Variants in SLCO1B1 observed in about 807,000 individuals in gnomAD.
SLCO1B1 encodes the protein solute carrier organic anion transporter family member 1B1.
In SLCO1B1, 81 loss-of-function variants were observed where a neutral mutation model predicts 70.1. The observed-to-expected ratio is 1.16, with a 90% CI of 0.97 to 1.39. SLCO1B1 has a LOEUF of 1.39. Ranked by LOEUF, SLCO1B1 falls within the 40% of genes most tolerant of loss-of-function variation. The probability of loss-of-function intolerance (pLI) is 0.00; values close to 1 mark genes in which losing one functional copy is unlikely to be tolerated. For synonymous variants in SLCO1B1, 283 were observed against 271.5 expected, an observed-to-expected ratio of 1.04 and a Z score of -0.42; for missense variants, 895 against 799.6, an observed-to-expected ratio of 1.12 and a Z score of -1.44.
chr12:21,224,612 C>G, intron 13 of SLCO1B1, 110 bp from the exon 14 acceptor site: 3 of 737,456 alleles, frequency 4.1e-6, no homozygotes, highest in Non-Finnish European at 7.2e-6. Flanking sequence ...ATAAACGAAT[C>G]CTCCAAATTT....
intron 8 of SLCO1B1, 44 bp downstream of exon 8, chr12:21,197,232 A>C: frequency 3.7e-6 from 6 of 1,603,792 alleles, no homozygotes; most frequent in Non-Finnish European, 5.1e-6. Flanking sequence ...TGTTAATCTC[A>C]ATGAAAAGGA....
chr12:21,205,783 C>T, intron 10 of SLCO1B1, 85 bp from the exon 11 acceptor site: 1 of 1,002,004 alleles, frequency 1.0e-6, no homozygotes, highest in South Asian at 1.6e-5. Flanking sequence ...TCTCTGCTTT[C>T]ACTTTACTTC....
At chr12:21,173,784 T>TTC in intron 3 of SLCO1B1, among the ~76,000 whole-genome samples, 1 of 149,068 alleles carries the variant, frequency 6.7e-6, no homozygotes, top group Non-Finnish European at 1.5e-5. Flanking sequence ...TTTTTTTTTT[T>TTC]TTTTTTGAGA....
chr12:21,224,800 C>CCCA lies in SLCO1B1; in HGVS notation c.1826_1827insCCA (p.Thr609_Arg610insGln). 1.2e-6 allele frequency: 2 copies of CCCA among 1,609,666 alleles called. No individual in the cohort carries two copies. Among genetic ancestry groups the CCCA allele is most frequent in the Non-Finnish European group, 1.7e-6 (2 of 1,177,006 alleles). ...AAGTGGTCCACCAACAACTGTGGCA[C>CCCA]ACGTGGGTCATGTAGGACATATAAT... On this transcript the variant is annotated inframe_insertion, in exon 14 of 15. Coordinates refer to ENST00000256958, the MANE Select transcript of SLCO1B1 (RefSeq NM_006446.5).
In SLCO1B1 at chr12:21,141,528, C is replaced by T. The variant is rs1565664021; in HGVS notation, c.-47C>T. 1.8e-6 allele frequency: 2 copies of T among 1,129,738 alleles called. No homozygotes were observed. The highest frequency in any genetic ancestry group is 1.3e-6 in the Non-Finnish European group (1 of 742,966). The allele number at this position is 1,129,738 out of a possible 1,614,324, so 70.0% of individuals were successfully genotyped here. A position where few individuals can be genotyped will look rare whatever the true frequency, so the allele number is the denominator to read the frequency against. ...TTCCTTAATAGGTGATTGTTTCAAACTGAGCATCAACAACAAAAACATTTG... is the reference window on the plus strand; with the variant it reads ...TTCCTTAATAGGTGATTGTTTCAAATTGAGCATCAACAACAAAAACATTTG... On this transcript the variant is annotated 5_prime_UTR_variant, in exon 2 of 15. Coordinates refer to ENST00000256958, the MANE Select transcript of SLCO1B1 (RefSeq NM_006446.5).
At chr12:21,133,462 G>T (rs1333311539) in intron 1 of SLCO1B1, among the ~76,000 whole-genome samples, 1 of 152,170 alleles carries the variant, frequency 6.6e-6, no homozygotes, top group East Asian at 1.9e-4. Flanking sequence ...TCCTGCCCAT[G>T]AGCATGGAAT....
At chr12:21,154,429 C>T (rs766360114) in intron 2 of SLCO1B1, among the ~76,000 whole-genome samples, 25 of 152,190 alleles carry the variant, frequency 1.6e-4, no homozygotes, top group Admixed American at 4.6e-4. Context: ...TCTCAGACTT[C>T]CCAGGCTCCA....
chr12:21,134,810 G>A, intron 1 of SLCO1B1, among the ~76,000 whole-genome samples: 1 of 152,076 alleles, frequency 6.6e-6, no homozygotes, highest in East Asian at 1.9e-4. Context: ...ATTTTTTGAA[G>A]GGTTTTTTGT....
chr12:21,208,483 TCTAGGTGTCTGTTTTTGAA>T (rs1941239662), intron 11 of SLCO1B1, among the ~76,000 whole-genome samples: 1 of 152,124 alleles, frequency 6.6e-6, no homozygotes. Context: ...GTTCCTTTAG[TCTAGGTGTCTGTTTTTGAA>T]CCAGTACTAT....
At chr12:21,135,274 T>C (rs1316943054) in intron 1 of SLCO1B1, among the ~76,000 whole-genome samples, 6 of 152,156 alleles carry the variant, frequency 3.9e-5, no homozygotes, top group Admixed American at 3.9e-4. Context: ...AATTTCAGAG[T>C]AGGTGTGGTG....
intron 7 of SLCO1B1, among the ~76,000 whole-genome samples, chr12:21,192,661 G>T (rs557909027): frequency 2.6e-5 from 4 of 151,336 alleles, no homozygotes; most frequent in African/African-American, 9.7e-5. Context: ...ATAATTTTGT[G>T]AGGTGTAAAA....
intron 1 of SLCO1B1, among the ~76,000 whole-genome samples, chr12:21,132,699 T>C (rs1041598929): frequency 1.3e-4 from 20 of 151,922 alleles, no homozygotes; most frequent in Non-Finnish European, 2.9e-4. Flanking sequence ...CTTTTGTAAA[T>C]TTGTTTGAGT....
chr12:21,185,866 C>T (rs1940957284), intron 7 of SLCO1B1, among the ~76,000 whole-genome samples: 1 of 151,892 alleles, frequency 6.6e-6, no homozygotes. Flanking sequence ...CAATTAAGCA[C>T]AATCGGAAAT....
chr12:21,178,513 T>C lies in SLCO1B1; in HGVS notation c.482-63T>C. The C allele has an allele frequency of 1.7e-6, 2 of 1,187,096 alleles. 1 individual carries two copies. Among genetic ancestry groups the C allele is most frequent in the Admixed American group, 3.7e-5 (2 of 53,972 alleles). 73.5% of individuals were successfully genotyped at this position (1,187,096 alleles called of 1,614,324 possible). A position where few individuals can be genotyped will look rare whatever the true frequency, so the allele number is the denominator to read the frequency against. On this transcript the variant is annotated intron_variant, in intron 5 of 14. Transcript: ENST00000256958. Reference sequence around the variant, plus strand: ...AGAATAATTAAGAGTTTACAAGTAGTTAAATTTGTAATAGAAATGCTAAAA... The same window carrying C: ...AGAATAATTAAGAGTTTACAAGTAGCTAAATTTGTAATAGAAATGCTAAAA...
chr12:21,223,900 C>T (rs1941456984), intron 13 of SLCO1B1, among the ~76,000 whole-genome samples: 1 of 152,130 alleles, frequency 6.6e-6, no homozygotes, highest in Non-Finnish European at 1.5e-5. Flanking sequence ...CAGATGGACA[C>T]TTATTATATA....
intron 5 of SLCO1B1, among the ~76,000 whole-genome samples, chr12:21,178,168 C>T (rs1374981687): frequency 3.3e-5 from 5 of 151,922 alleles, no homozygotes; most frequent in Admixed American, 2.0e-4. Flanking sequence ...ATTTTGGGGG[C>T]GGTTTCCCCC....
intron 14 of SLCO1B1, among the ~76,000 whole-genome samples, chr12:21,229,402 C>T (rs746476133): frequency 5.3e-5 from 8 of 152,140 alleles, no homozygotes; most frequent in Non-Finnish European, 1.2e-4. Context: ...TCATTCCTTC[C>T]TCCTCTAAAA....
At position 21,224,783 on chromosome 12, in the gene SLCO1B1, C is replaced by G. The variant is rs143812591; in HGVS notation, c.1809C>G (p.Ser603=). 1.7e-5 allele frequency: 27 copies of G among 1,611,720 alleles called. 1 individual carries two copies. The Middle Eastern group carries it at 5.1e-4, about 30-fold the overall frequency. The change falls in exon 14 of 15, where the codon TCC becomes TCG. Residue 603 remains serine (S), a synonymous_variant. Coordinates refer to ENST00000256958, the MANE Select transcript of SLCO1B1 (RefSeq NM_006446.5). ...ALIDTTCIKW[S]TNNCGTRGSC... ...TTGATACAACGTGTATAAAGTGGTCCACCAACAACTGTGGCACACGTGGGT... is the reference window on the plus strand; with the variant it reads ...TTGATACAACGTGTATAAAGTGGTCGACCAACAACTGTGGCACACGTGGGT...
chr12:21,194,480 T>C (rs919268239), intron 7 of SLCO1B1, among the ~76,000 whole-genome samples: 1 of 152,122 alleles, frequency 6.6e-6, no homozygotes. Context: ...AGAGTGACTT[T>C]TGCTCTAGCT....
Sources: gnomAD v4.1 joint callset for allele counts (sites outside exome capture counted in the v4.1 genomes callset) on GRCh38, gnomAD v4.1.1 for gene constraint, MANE v1.5 for transcripts, NCBI Gene and HGNC (gene_info 2026-07-23, HGNC 2026-07-21) for gene names.